SLC2A13: variants seen among roughly 807,000 people sequenced by gnomAD.
The protein encoded by SLC2A13 is solute carrier family 2 member 13, also known as proton myo-inositol cotransporter.
Under a neutral mutation model 64.4 loss-of-function variants are expected in SLC2A13, and 32 were observed. The observed-to-expected ratio is 0.50, with a 90% confidence interval of 0.37 to 0.67. SLC2A13 has a LOEUF of 0.67. Ranked by LOEUF, SLC2A13 falls within the 30% of genes least tolerant of loss-of-function variation. SLC2A13 has a pLI of 0.00. For synonymous variants in SLC2A13, 338 were observed against 327.1 expected (o/e 1.03, Z -0.36); for missense variants, 743 against 829.2 (o/e 0.90, Z 1.28).
chr12:39,781,107 C>A (rs1940967595), intron 7 of SLC2A13, among the ~76,000 whole-genome samples: 1 of 152,118 alleles, frequency 6.6e-6, no homozygotes, highest in African/African-American at 2.4e-5. Flanking sequence ...TTTTTACTCA[C>A]TTCCTGATTT....
intron 3 of SLC2A13, among the ~76,000 whole-genome samples, chr12:39,984,139 T>G (rs1591979379): frequency 4.6e-5 from 6 of 129,264 alleles, no homozygotes; most frequent in East Asian, 2.4e-4. Context: ...TGAGATCACA[T>G]GGACACAGGA....
At chr12:39,863,086 C>T (rs921743656) in intron 6 of SLC2A13, among the ~76,000 whole-genome samples, 3 of 152,040 alleles carry the variant, frequency 2.0e-5, no homozygotes, top group Non-Finnish European at 2.9e-5. Flanking sequence ...CACTGACTCC[C>T]GAAGGACACC....
intron 4 of SLC2A13, among the ~76,000 whole-genome samples, chr12:39,923,201 T>C (rs1945645833): frequency 6.6e-6 from 1 of 152,202 alleles, no homozygotes; most frequent in Non-Finnish European, 1.5e-5. Flanking sequence ...CAAATACTTG[T>C]ATCCTAATGA....
intron 3 of SLC2A13, among the ~76,000 whole-genome samples, chr12:39,972,273 G>A (rs1387217206): frequency 1.3e-5 from 2 of 151,746 alleles, no homozygotes; most frequent in East Asian, 3.9e-4. Context: ...AAGTAGGGCA[G>A]GGAACATAGC....
At position 39,915,969 on chromosome 12, in the gene SLC2A13, A is replaced by T. The variant is rs1945515544; in HGVS notation, c.1034+35288T>A. On this transcript the variant is annotated intron_variant, in intron 4 of 9. Transcript: ENST00000280871. ...CTTACATTTATTCAAAAGACAAAGA[A>T]TACCTCCAAATGCCTTTTACTCCTA... 3.3e-5 allele frequency among the ~76,000 whole-genome samples: 5 copies of T among 152,026 alleles called. No individual in the cohort carries two copies. In the South Asian group the frequency reaches 1.0e-3, roughly 32 times the overall value.
intron 1 of SLC2A13, among the ~76,000 whole-genome samples, chr12:40,056,976 T>A (rs1372483189): frequency 6.6e-6 from 1 of 151,810 alleles, no homozygotes; most frequent in Middle Eastern, 3.2e-3. Context: ...CGAGACTTCG[T>A]GTCAAAAAAC....
At chr12:40,008,613 CAA>C (rs764049845) in intron 3 of SLC2A13, among the ~76,000 whole-genome samples, 16 of 109,628 alleles carry the variant, frequency 1.5e-4, no homozygotes, top group Middle Eastern at 5.6e-3. Context: ...TGCGTCACTC[CAA>C]AAAAAAAAAA....
At chr12:39,828,304 G>A (rs939409808) in intron 7 of SLC2A13, among the ~76,000 whole-genome samples, 3 of 151,874 alleles carry the variant, frequency 2.0e-5, no homozygotes, top group African/African-American at 7.3e-5. Flanking sequence ...GTAAGGATAT[G>A]CTGTGAACAT....
At chr12:39,832,710 T>C (rs1400419418) in intron 6 of SLC2A13, among the ~76,000 whole-genome samples, 1 of 74,266 alleles carries the variant, frequency 1.3e-5, no homozygotes, top group Non-Finnish European at 2.4e-5. Flanking sequence ...CTGACCCCTC[T>C]ACTTGCTATT....
chr12:39,818,984 T>C (rs1340999527), intron 7 of SLC2A13, among the ~76,000 whole-genome samples: 1 of 152,082 alleles, frequency 6.6e-6, no homozygotes. Flanking sequence ...TCCCAAAAAC[T>C]CAATGTTAAA....
At chr12:39,944,790 T>C (rs1246182902) in intron 4 of SLC2A13, among the ~76,000 whole-genome samples, 1 of 152,346 alleles carries the variant, frequency 6.6e-6, no homozygotes, top group East Asian at 1.9e-4. Flanking sequence ...TTCTTATGCA[T>C]TCTGCAGTTC....
intron 1 of SLC2A13, among the ~76,000 whole-genome samples, chr12:40,055,997 A>C (rs1170331034): frequency 2.0e-5 from 3 of 150,410 alleles, no homozygotes; most frequent in African/African-American, 2.5e-5. Context: ...AAACAAAAAA[A>C]AAACAAAACA....
At chr12:39,842,117 C>G (rs1023326484) in intron 6 of SLC2A13, among the ~76,000 whole-genome samples, 1 of 151,964 alleles carries the variant, frequency 6.6e-6, no homozygotes. Context: ...GGGGTTCCAA[C>G]CTAAGGATGT....
At position 39,792,726 on chromosome 12, in the gene SLC2A13, G is replaced by A. The variant is rs570759959; in HGVS notation, c.1446-27868C>T. ...AAAGTATATGTGGGTTTTGCATCCT[G>A]CAAGTACTGTATTTTTTTATTCCTG... On this transcript the variant is annotated intron_variant, in intron 7 of 9. Transcript: ENST00000280871. Among the ~76,000 whole-genome samples, 99 of 151,890 alleles carry A rather than the reference G, an allele frequency of 6.5e-4. 2 individuals carry two copies. The Middle Eastern group carries it at 0.01, about 16-fold the overall frequency.
chr12:39,959,784 C>T (rs555445657), intron 3 of SLC2A13, among the ~76,000 whole-genome samples: 3 of 152,130 alleles, frequency 2.0e-5, no homozygotes, highest in Admixed American at 6.5e-5. Flanking sequence ...GAGGAAGTAT[C>T]CTTTCTAAAT....
chr12:40,077,591 T>C (rs1938229535), intron 1 of SLC2A13, among the ~76,000 whole-genome samples: 1 of 152,182 alleles, frequency 6.6e-6, no homozygotes, highest in African/African-American at 2.4e-5. Flanking sequence ...GGATGATGCC[T>C]CTGGCTTTTG....
chr12:39,971,974 G>C (rs7980177), intron 3 of SLC2A13, among the ~76,000 whole-genome samples: 33,308 of 97,532 alleles, frequency 0.34, 5,013 homozygotes, highest in Middle Eastern at 0.49. Context: ...TGGAGCAAGA[G>C]TGTCTCCAGA....
At chr12:39,841,249 C>A (rs1422229154) in intron 6 of SLC2A13, among the ~76,000 whole-genome samples, 1 of 152,084 alleles carries the variant, frequency 6.6e-6, no homozygotes, top group African/African-American at 2.4e-5. Context: ...AGCCTAGTAG[C>A]CAGAATGGTT....
At chr12:39,980,331 T>G (rs186271126) in intron 3 of SLC2A13, among the ~76,000 whole-genome samples, 1 of 152,014 alleles carries the variant, frequency 6.6e-6, no homozygotes, top group African/African-American at 2.4e-5. Flanking sequence ...CAATATTAAC[T>G]TTAAATGTAA....
Sources: gnomAD v4.1 joint callset for allele counts (sites outside exome capture counted in the v4.1 genomes callset) on GRCh38, gnomAD v4.1.1 for gene constraint, MANE v1.5 for transcripts, NCBI Gene and HGNC (gene_info 2026-07-23, HGNC 2026-07-21) for gene names.